GALNT17: variants seen among roughly 807,000 people sequenced by gnomAD.
The protein encoded by GALNT17 is UDP-GalNAc:polypeptide N-acetylgalactosaminyltransferase-like 3.
In GALNT17, 29 loss-of-function variants were observed where a neutral mutation model predicts 63.7. The ratio of observed to expected loss-of-function variants is 0.46; its 90% CI spans 0.34 to 0.62. The LOEUF (loss-of-function observed/expected upper bound fraction) is 0.62. GALNT17 is among the 20% of genes least tolerant of loss of function. The probability of loss-of-function intolerance (pLI) is 0.01; values close to 1 mark genes in which losing one functional copy is unlikely to be tolerated. For missense variants in GALNT17, 603 were observed against 799.6 expected (o/e 0.75, Z 2.97); for synonymous variants, 305 against 318.3 (o/e 0.96, Z 0.45).
At chr7:71,379,636 G>A (rs189738267) in intron 2 of GALNT17, among the ~76,000 whole-genome samples, 6 of 152,158 alleles carry the variant, frequency 3.9e-5, no homozygotes, top group African/African-American at 1.4e-4. Flanking sequence ...CATGTTGAGG[G>A]GTCATGACTT....
At chr7:71,690,865 G>C (rs970048003) in intron 9 of GALNT17, among the ~76,000 whole-genome samples, 1 of 152,182 alleles carries the variant, frequency 6.6e-6, no homozygotes, top group Non-Finnish European at 1.5e-5. Flanking sequence ...CATGAACAAA[G>C]AGTTGTTTCT....
chr7:71,154,455 G>A lies in GALNT17; in HGVS notation c.238+21415G>A, dbSNP rs374313993. Reference sequence around the variant, plus strand: ...ATTGTTTTAAGCCACTTTTTGGGTGGTTTGTTGTACAGCAATAACCAGTTG... The same window carrying A: ...ATTGTTTTAAGCCACTTTTTGGGTGATTTGTTGTACAGCAATAACCAGTTG... On this transcript the variant is annotated intron_variant, in intron 1 of 10. Transcript: ENST00000333538. Among the ~76,000 whole-genome samples the A allele has an allele frequency of 5.3e-5, 8 of 152,316 alleles. No homozygotes were observed. In the East Asian group the frequency reaches 1.3e-3, roughly 26 times the overall value.
chr7:71,684,858 TCTCA>T (rs1037574115), intron 9 of GALNT17, among the ~76,000 whole-genome samples: 6 of 151,992 alleles, frequency 3.9e-5, no homozygotes, highest in Admixed American at 3.3e-4. Flanking sequence ...AAAGATGGGG[TCTCA>T]CTATGTTGCC....
intron 5 of GALNT17, among the ~76,000 whole-genome samples, chr7:71,472,015 C>T (rs568823134): frequency 7.3e-5 from 11 of 151,670 alleles, no homozygotes; most frequent in African/African-American, 2.4e-4. Flanking sequence ...TTATAAACAA[C>T]AAAAATTTAT....
At chr7:71,303,739 AAAG>A (rs778495314) in intron 1 of GALNT17, among the ~76,000 whole-genome samples, 3 of 151,974 alleles carry the variant, frequency 2.0e-5, no homozygotes, top group Non-Finnish European at 2.9e-5. Flanking sequence ...ACTCCCCTCT[AAAG>A]AAGCCATTAA....
intron 1 of GALNT17, among the ~76,000 whole-genome samples, chr7:71,293,249 T>C (rs1274017928): frequency 6.6e-6 from 1 of 152,220 alleles, no homozygotes; most frequent in Non-Finnish European, 1.5e-5. Context: ...ATGTGATAGT[T>C]CTATTTTTAA....
At chr7:71,650,745 G>A (rs1032026817) in intron 6 of GALNT17, among the ~76,000 whole-genome samples, 1 of 152,184 alleles carries the variant, frequency 6.6e-6, no homozygotes, top group Non-Finnish European at 1.5e-5. Context: ...TAGAAGGATG[G>A]AGGACATGCA....
chr7:71,276,392 C>T (rs1172248070), intron 1 of GALNT17, among the ~76,000 whole-genome samples: 2 of 152,182 alleles, frequency 1.3e-5, no homozygotes, highest in African/African-American at 4.8e-5. Context: ...ATAGCAAAGT[C>T]AAGGAATGAT....
chr7:71,443,208 T>C (rs1255711549), intron 5 of GALNT17, among the ~76,000 whole-genome samples: 1 of 152,186 alleles, frequency 6.6e-6, no homozygotes, highest in East Asian at 1.9e-4. Context: ...ATACTGGGTC[T>C]CTGCAACTTC....
At chr7:71,285,634 TGG>T (rs1278345739) in intron 1 of GALNT17, among the ~76,000 whole-genome samples, 6 of 152,190 alleles carry the variant, frequency 3.9e-5, no homozygotes, top group African/African-American at 1.4e-4. Context: ...CTCTCAGGAA[TGG>T]GACTGGTGCT....
At chr7:71,321,625 T>A (rs977254642) in intron 1 of GALNT17, among the ~76,000 whole-genome samples, 7 of 143,308 alleles carry the variant, frequency 4.9e-5, no homozygotes, top group Non-Finnish European at 1.1e-4. Flanking sequence ...TCCCTTTTTT[T>A]GAGACTGAGT....
At chr7:71,443,381 T>C (rs1033180664) in intron 5 of GALNT17, among the ~76,000 whole-genome samples, 3 of 152,178 alleles carry the variant, frequency 2.0e-5, no homozygotes, top group African/African-American at 7.2e-5. Context: ...CATGCTGAAA[T>C]TTGATCCGCA....
intron 6 of GALNT17, among the ~76,000 whole-genome samples, chr7:71,596,213 C>T (rs1028046421): frequency 2.6e-4 from 39 of 151,942 alleles, no homozygotes; most frequent in Admixed American, 1.8e-3. Context: ...TAATTTTTTG[C>T]ATTTTTAGTA....
rs570008717 is a variant in GALNT17, at chr7:71,452,620, A to T, written c.962+31515A>T. On this transcript the variant is annotated intron_variant, in intron 5 of 10. Transcript: ENST00000333538. ...CAGTTTTTATAATGGCTGTTGGATA[A>T]AAAAGTATTTATTGGGTAGAAAAGT... 3.3e-5 allele frequency among the ~76,000 whole-genome samples: 5 copies of T among 152,328 alleles called. No individual in the cohort carries two copies. The East Asian group carries it at 7.7e-4, about 23-fold the overall frequency.
At position 71,579,139 on chromosome 7, in the gene GALNT17, TG is replaced by T. The variant is rs1789586786; in HGVS notation, c.1080+7739del. ...GGCCTGGTGTGAAGGAAGTCATCCT[TG>T]GCTATGTGAATACCTTTGTAGGGCA... On this transcript the variant is annotated intron_variant, in intron 6 of 10. Transcript: ENST00000333538. Among the ~76,000 whole-genome samples, 3 of 152,354 alleles carry T rather than the reference TG, an allele frequency of 2.0e-5. No homozygotes were observed. In the East Asian group the frequency reaches 5.8e-4, roughly 29 times the overall value.
intron 6 of GALNT17, among the ~76,000 whole-genome samples, chr7:71,645,778 C>A (rs1790667500): frequency 6.6e-6 from 1 of 152,120 alleles, no homozygotes; most frequent in African/African-American, 2.4e-5. Context: ...CATTTAAAAA[C>A]CTGAAGAGGA....
intron 1 of GALNT17, among the ~76,000 whole-genome samples, chr7:71,207,558 G>A (rs1311802926): frequency 1.3e-5 from 2 of 152,198 alleles, no homozygotes; most frequent in Non-Finnish European, 2.9e-5. Context: ...GATAGATGCT[G>A]GCTCGGGTGG....
Position 71,648,057 on chromosome 7 carries a change from C to T in GALNT17, c.1081-17354C>T, listed in dbSNP as rs143287321. Among the ~76,000 whole-genome samples the T allele has an allele frequency of 8.4e-4, 128 of 152,338 alleles. 6 individuals carry two copies. The Middle Eastern group carries it at 0.02, about 24-fold the overall frequency. Reference sequence around the variant, plus strand: ...CTCTGGGTCCTCACAGTCATTATCTCCAACCTGCCCCTCCCATGGGCCCAC... The same window carrying T: ...CTCTGGGTCCTCACAGTCATTATCTTCAACCTGCCCCTCCCATGGGCCCAC... On this transcript the variant is annotated intron_variant, in intron 6 of 10. Coordinates refer to ENST00000333538, the MANE Select transcript of GALNT17 (RefSeq NM_022479.3).
rs10678512 is a variant in GALNT17, at chr7:71,482,081, A to ATGTGTGTGTGTGTGTG, written c.962+60994_962+61009dup. Among the ~76,000 whole-genome samples the ATGTGTGTGTGTGTGTG allele has an allele frequency of 7.6e-3, 1,050 of 138,214 alleles. 15 individuals carry two copies. The highest frequency in any genetic ancestry group is 0.05 in the East Asian group (216 of 4,292). The allele number at this position is 138,214 out of a possible 152,430, so 90.7% of individuals were successfully genotyped here. ...GATGTATAGGTATACATATATGTAT[A>ATGTGTGTGTGTGTGTG]TGTGTGTGTGTGTGTGTGTGTGTGT... On this transcript the variant is annotated intron_variant, in intron 5 of 10. Coordinates refer to ENST00000333538, the MANE Select transcript of GALNT17 (RefSeq NM_022479.3).
Sources: allele counts gnomAD v4.1 joint callset (sites outside exome capture counted in the v4.1 genomes callset), GRCh38; gene constraint gnomAD v4.1.1; transcripts MANE v1.5; gene names NCBI Gene and HGNC (gene_info 2026-07-23, HGNC 2026-07-21).